The following SPECC1L variants were observed in gnomAD, a reference collection of about 807,000 sequenced individuals.
SPECC1L encodes sperm antigen with calponin homology and coiled-coil domains 1 like.
SPECC1L carries 40 observed loss-of-function variants against 116.8 expected under a neutral mutation model. The observed-to-expected ratio is 0.34, with a 90% CI of 0.27 to 0.45. SPECC1L has a LOEUF of 0.45. SPECC1L is among the 20% of genes least tolerant of loss of function. SPECC1L has a pLI of 1.00. For synonymous variants in SPECC1L, 504 were observed against 500.6 expected (o/e 1.01, Z -0.09); for missense variants, 1,110 against 1,373.6 (o/e 0.81, Z 3.03).
At chr22:24,325,184 G>A (rs2040793818) in intron 6 of SPECC1L, among the ~76,000 whole-genome samples, 1 of 152,128 alleles carries the variant, frequency 6.6e-6, no homozygotes, top group South Asian at 2.1e-4. Flanking sequence ...TTCCTTGGTC[G>A]ACTTGAATGT....
At position 24,353,520 on chromosome 22, in the gene SPECC1L, T is replaced by G. The variant is rs189773027; in HGVS notation, c.2743+6344T>G. Among the ~76,000 whole-genome samples the G allele has an allele frequency of 2.0e-3, 306 of 152,294 alleles. 2 individuals are homozygous for G. The highest frequency in any genetic ancestry group is 0.018 in the Admixed American group (282 of 15,294). On this transcript the variant is annotated intron_variant, in intron 11 of 16. Transcript: ENST00000314328. ...GCCTCCTGGGTTCAACTCTCATGCT[T>G]TAGCCTCCCGAGTAGCTGGGATTAC...
At chr22:24,372,119 C>G (rs2041883004) in intron 14 of SPECC1L, among the ~76,000 whole-genome samples, 1 of 152,134 alleles carries the variant, frequency 6.6e-6, no homozygotes, top group African/African-American at 2.4e-5. Context: ...ATAACAGGCT[C>G]TGAAATTGAG....
At chr22:24,349,738 A>G (rs865933417) in intron 11 of SPECC1L, among the ~76,000 whole-genome samples, 2 of 152,142 alleles carry the variant, frequency 1.3e-5, no homozygotes, top group South Asian at 4.1e-4. Flanking sequence ...AGGAAATCCC[A>G]TTGACTCTAC....
chr22:24,358,630 G>A (rs1342093091), intron 11 of SPECC1L, among the ~76,000 whole-genome samples: 1 of 152,088 alleles, frequency 6.6e-6, no homozygotes, highest in East Asian at 1.9e-4. Flanking sequence ...CTCTGTTTTC[G>A]TGACTCTCCC....
chr22:24,303,847 GTGTGTGTGT>G (rs1569412515), intron 3 of SPECC1L, among the ~76,000 whole-genome samples: 6 of 26,466 alleles, frequency 2.3e-4, no homozygotes, highest in Non-Finnish European at 5.1e-4. Flanking sequence ...TAAATAGGGT[GTGTGTGTGT>G]GTGTGTGTGT....
chr22:24,307,600 AGT>A (rs532530564), intron 3 of SPECC1L, among the ~76,000 whole-genome samples: 25 of 149,732 alleles, frequency 1.7e-4, no homozygotes, highest in African/African-American at 3.4e-4. Context: ...TGTGTATGTG[AGT>A]GTGTGTGTGT....
intron 10 of SPECC1L, among the ~76,000 whole-genome samples, chr22:24,344,023 G>C (rs2041237652): frequency 6.6e-6 from 1 of 152,114 alleles, no homozygotes; most frequent in Non-Finnish European, 1.5e-5. Flanking sequence ...CTAGTGAATT[G>C]AATCAATCCT....
intron 14 of SPECC1L, among the ~76,000 whole-genome samples, chr22:24,410,479 C>T (rs1382741639): frequency 6.6e-6 from 1 of 152,246 alleles, no homozygotes; most frequent in East Asian, 1.9e-4. Context: ...AGGCTACAGC[C>T]TGCAGGGCTG....
chr22:24,366,428 C>G (rs1272250109), intron 13 of SPECC1L, among the ~76,000 whole-genome samples: 1 of 151,972 alleles, frequency 6.6e-6, no homozygotes, highest in East Asian at 1.9e-4. Flanking sequence ...CTCCTGACCT[C>G]GTGATCCACC....
chr22:24,402,344 C>T (rs1012308118), intron 14 of SPECC1L, among the ~76,000 whole-genome samples: 5 of 152,066 alleles, frequency 3.3e-5, no homozygotes, highest in Non-Finnish European at 7.4e-5. Context: ...TGTTTAACAG[C>T]CACTACCCAG....
intron 9 of SPECC1L, among the ~76,000 whole-genome samples, chr22:24,337,778 T>C (rs1473496260): frequency 5.9e-5 from 9 of 152,230 alleles, no homozygotes; most frequent in Non-Finnish European, 1.2e-4. Flanking sequence ...TACCAGAATC[T>C]GTGCTATGCT....
intron 1 of SPECC1L, among the ~76,000 whole-genome samples, chr22:24,272,129 C>T (rs1284209914): frequency 1.3e-5 from 2 of 152,164 alleles, no homozygotes; most frequent in African/African-American, 4.8e-5. Context: ...GCCTGTAATC[C>T]CAGCACTTTG....
rs554621392 is a variant in SPECC1L at position 24,415,020 on chromosome 22, G to A, written c.*397G>A. ...CACTAGGGTTGATGAAGGCTCGGCCGCGGCACTTCCTGACTATTGGCTGGG... is the reference window on the plus strand; with the variant it reads ...CACTAGGGTTGATGAAGGCTCGGCCACGGCACTTCCTGACTATTGGCTGGG... On this transcript the variant is annotated 3_prime_UTR_variant, in exon 17 of 17. Coordinates refer to ENST00000314328, the MANE Select transcript of SPECC1L (RefSeq NM_015330.6). 7 of 260,046 alleles carry A rather than the reference G, an allele frequency of 2.7e-5. No homozygotes were observed. Among genetic ancestry groups the A allele is most frequent in the South Asian group, 1.3e-4 (3 of 22,890 alleles). The allele number at this position is 260,046 out of a possible 1,614,324, so 16.1% of individuals were successfully genotyped here.
At chr22:24,412,543 G>T (rs1467314272) in intron 15 of SPECC1L, 105 bp from the exon 16 acceptor site, 3 of 1,014,856 alleles carry the variant, frequency 3.0e-6, no homozygotes, top group Non-Finnish European at 1.6e-6. Context: ...ACCAGGTAGA[G>T]GTGAGTGTCG....
intron 4 of SPECC1L, among the ~76,000 whole-genome samples, chr22:24,315,670 A>G (rs1342269423): frequency 1.3e-5 from 2 of 152,232 alleles, no homozygotes; most frequent in East Asian, 1.9e-4. Context: ...GGATTCAGTT[A>G]TCACCTCTCT....
intron 2 of SPECC1L, among the ~76,000 whole-genome samples, chr22:24,283,825 A>G (rs1453571161): frequency 6.6e-6 from 1 of 152,132 alleles, no homozygotes; most frequent in African/African-American, 2.4e-5. Context: ...CATTTATTTT[A>G]TGATAGTTTG....
intron 2 of SPECC1L, among the ~76,000 whole-genome samples, chr22:24,296,164 G>A (rs5760319): frequency 0.036 from 5,551 of 152,192 alleles, 283 homozygotes; most frequent in South Asian, 0.12. Context: ...AATTCAGACC[G>A]TTGTTCCTCA....
intron 10 of SPECC1L, among the ~76,000 whole-genome samples, chr22:24,346,429 C>T (rs2041297322): frequency 3.9e-5 from 6 of 152,152 alleles, no homozygotes; most frequent in Admixed American, 3.9e-4. Context: ...CATTAGCAAG[C>T]GGGTGGCAGA....
At chr22:24,403,945 C>T (rs2042531762) in intron 14 of SPECC1L, among the ~76,000 whole-genome samples, 1 of 152,156 alleles carries the variant, frequency 6.6e-6, no homozygotes, top group Non-Finnish European at 1.5e-5. Flanking sequence ...TGAGAGACTC[C>T]CTCCCTTTTT....
Sources: gnomAD v4.1 joint callset for allele counts (sites outside exome capture counted in the v4.1 genomes callset) on GRCh38, gnomAD v4.1.1 for gene constraint, MANE v1.5 for transcripts, NCBI Gene and HGNC (gene_info 2026-07-23, HGNC 2026-07-21) for gene names.